The following LGSN variants were observed in gnomAD, a reference collection of about 807,000 sequenced individuals.
LGSN encodes the protein lengsin.
A neutral mutation model predicts 19.5 loss-of-function variants in LGSN; 21 were observed. That is an observed-to-expected ratio of 1.07 (90% CI 0.76 to 1.55). The LOEUF is 1.55. Among genes scored for constraint, LGSN ranks in the 40% most tolerant of loss-of-function variants. The pLI is 0.00. For synonymous variants in LGSN, 257 were observed against 215.6 expected, an observed-to-expected ratio of 1.19 and a Z score of -1.68; for missense variants, 673 against 608.5, an observed-to-expected ratio of 1.11 and a Z score of -1.12.
chr6:63,391,765 C>G, the LGSN span, among the ~76,000 whole-genome samples: 1 of 152,108 alleles, frequency 6.6e-6, no homozygotes, highest in African/African-American at 2.4e-5. Flanking sequence ...AAGGTTAATC[C>G]TTGAACTAAG....
chr6:63,420,076 T>G, the LGSN span, among the ~76,000 whole-genome samples: 15 of 149,370 alleles, frequency 1.0e-4, no homozygotes, highest in South Asian at 4.2e-4. Context: ...GATGGCAGGC[T>G]CCTGTAGTCC....
At chr6:63,555,081 A>G in the LGSN span, among the ~76,000 whole-genome samples, 1 of 152,136 alleles carries the variant, frequency 6.6e-6, no homozygotes, top group Non-Finnish European at 1.5e-5. Context: ...TCATACCTCC[A>G]TTTCTTTTCA....
rs759280429 is a variant in LGSN, at chr6:63,294,970, T to C, written c.106A>G (p.Thr36Ala). ...NTLRRTRKKVTKPYVCSTEVG... is the reference protein window; with the variant it reads ...NTLRRTRKKVAKPYVCSTEVG... ...TCAGTTGAACAAACATATGGTTTAG[T>C]GACTTTCTTCCTTGTCCTTCTTAAT... The change falls in exon 2 of 4, where the codon ACT (threonine) becomes GCT (alanine). Residue 36 changes from threonine to alanine, a missense_variant. Thr to Ala is a moderately conservative substitution (Grantham distance 58, BLOSUM62 0). Coordinates refer to ENST00000370657, the MANE Select transcript of LGSN (RefSeq NM_016571.3). 1 of 1,613,760 alleles carries C rather than the reference T, an allele frequency of 6.2e-7. No individual in the cohort carries two copies. Among genetic ancestry groups the C allele is most frequent in the East Asian group, 2.2e-5 (1 of 44,814 alleles).
At chr6:63,378,498 T>C in the LGSN span, among the ~76,000 whole-genome samples, 1 of 152,182 alleles carries the variant, frequency 6.6e-6, no homozygotes, top group Non-Finnish European at 1.5e-5. Flanking sequence ...TGAAGGAATA[T>C]CTGAGGCTGA....
At chr6:63,535,038 C>A in the LGSN span, among the ~76,000 whole-genome samples, 12 of 151,974 alleles carry the variant, frequency 7.9e-5, no homozygotes, top group Admixed American at 4.6e-4. Flanking sequence ...CCAGCCTGGG[C>A]AACAAGAGTG....
chr6:63,401,486 C>T, the LGSN span, among the ~76,000 whole-genome samples: 1 of 151,510 alleles, frequency 6.6e-6, no homozygotes, highest in Non-Finnish European at 1.5e-5. Flanking sequence ...AAGGTTATAA[C>T]CATCACAAGA....
intron 2 of LGSN, among the ~76,000 whole-genome samples, chr6:63,292,355 G>A (rs964919264): frequency 6.6e-6 from 1 of 152,212 alleles, no homozygotes; most frequent in Non-Finnish European, 1.5e-5. Flanking sequence ...TAGGCCCTGT[G>A]TGTACTAAAG....
the LGSN span, among the ~76,000 whole-genome samples, chr6:63,520,913 A>ATC: frequency 6.6e-6 from 1 of 152,186 alleles, no homozygotes; most frequent in African/African-American, 2.4e-5. Context: ...ATAAAAAAGA[A>ATC]TGAGTTCATG....
the LGSN span, among the ~76,000 whole-genome samples, chr6:63,403,343 A>AC: frequency 6.6e-6 from 1 of 152,150 alleles, no homozygotes; most frequent in Non-Finnish European, 1.5e-5. Context: ...TTTGAGGAGG[A>AC]AAGGTCAAGA....
the LGSN span, among the ~76,000 whole-genome samples, chr6:63,487,470 TCCAAAAATG>T: frequency 6.6e-6 from 1 of 152,210 alleles, no homozygotes. Flanking sequence ...TTGGAAGACA[TCCAAAAATG>T]CCAAAATTAT....
chr6:63,472,007 T>G, the LGSN span, among the ~76,000 whole-genome samples: 1 of 152,204 alleles, frequency 6.6e-6, no homozygotes, highest in Middle Eastern at 3.2e-3. Context: ...CCAGGATTAT[T>G]TTCTTTTTTT....
the LGSN span, among the ~76,000 whole-genome samples, chr6:63,406,084 T>G: frequency 2.6e-5 from 4 of 152,094 alleles, no homozygotes; most frequent in African/African-American, 4.8e-5. Flanking sequence ...AATGGGAGAC[T>G]TTAACACCCC....
chr6:63,526,191 G>A, the LGSN span, among the ~76,000 whole-genome samples: 1 of 152,064 alleles, frequency 6.6e-6, no homozygotes, highest in Non-Finnish European at 1.5e-5. Flanking sequence ...TGGGCATGGT[G>A]GTGGATGCCT....
chr6:63,445,820 C>T, the LGSN span, among the ~76,000 whole-genome samples: 6 of 152,056 alleles, frequency 3.9e-5, no homozygotes, highest in African/African-American at 1.2e-4. Flanking sequence ...CCCTAGGTTC[C>T]TTATCATCTA....
At chr6:63,434,136 C>T in the LGSN span, among the ~76,000 whole-genome samples, 1 of 152,100 alleles carries the variant, frequency 6.6e-6, no homozygotes, top group African/African-American at 2.4e-5. Context: ...CAGAGGGCTG[C>T]CCCCTCAGAA....
chr6:63,295,812 A>T (rs1454483002), intron 1 of LGSN, among the ~76,000 whole-genome samples: 1 of 152,198 alleles, frequency 6.6e-6, no homozygotes, highest in Non-Finnish European at 1.5e-5. Flanking sequence ...TCACCCCTGC[A>T]GTCCCAAGAC....
the LGSN span, among the ~76,000 whole-genome samples, chr6:63,474,371 G>A: frequency 6.6e-6 from 1 of 152,172 alleles, no homozygotes; most frequent in African/African-American, 2.4e-5. Context: ...CACATTGGGA[G>A]GCCAAGGTGG....
chr6:63,316,767 A>G (rs144896406), intron 1 of LGSN, among the ~76,000 whole-genome samples: 196 of 152,006 alleles, frequency 1.3e-3, no homozygotes, highest in Non-Finnish European at 2.5e-3. Context: ...ATTCATGTAT[A>G]TATAATATAT....
At chr6:63,373,228 A>T in the LGSN span, among the ~76,000 whole-genome samples, 1 of 152,202 alleles carries the variant, frequency 6.6e-6, no homozygotes, top group African/African-American at 2.4e-5. Context: ...TCAATTAAGA[A>T]ATGATGAAAA....
Sources: allele counts gnomAD v4.1 joint callset (sites outside exome capture counted in the v4.1 genomes callset), GRCh38; gene constraint gnomAD v4.1.1; transcripts MANE v1.5; gene names NCBI Gene and HGNC (gene_info 2026-07-23, HGNC 2026-07-21).